Variants in ENOSF1 observed in about 807,000 individuals in gnomAD.
The protein encoded by ENOSF1 is enolase superfamily member 1.
A neutral mutation model predicts 68.2 loss-of-function variants in ENOSF1; 73 were observed. That is an observed-to-expected ratio of 1.07 (90% CI 0.89 to 1.30). The LOEUF (loss-of-function observed/expected upper bound fraction) is 1.30. Ranked by LOEUF, ENOSF1 falls within the 50% of genes most tolerant of loss-of-function variation. The pLI, the probability that ENOSF1 is intolerant of heterozygous loss-of-function variation, is 0.00. For synonymous variants in ENOSF1, 223 were observed against 210.4 expected (o/e 1.06, Z -0.52); for missense variants, 589 against 554.5 (o/e 1.06, Z -0.62).
chr18:691,070 CTT>C lies in ENOSF1; in HGVS notation c.531_532del (p.Lys180AlafsTer22), dbSNP rs1328351193. 2.5e-6 allele frequency: 4 copies of C among 1,613,810 alleles called. No individual in the cohort carries two copies. Among genetic ancestry groups the C allele is most frequent in the Non-Finnish European group, 3.4e-6 (4 of 1,179,946 alleles). ...AAGAAAATTTTCTTACAACCCACCT[CTT>C]TCTTTTTTACCAATTTGACCTTTCT... On this transcript the variant is annotated frameshift_variant, in exon 7 of 16. Transcript: ENST00000647584. LOFTEE classifies it high-confidence loss of function.
downstream of ENOSF1, chr18:669,046 G>C: frequency 6.3e-7 from 1 of 1,580,518 alleles, no homozygotes. Context: ...GTATGTACCT[G>C]TCCTCTCTTT....
chr18:692,932 G>GC, intron 5 of ENOSF1: 1 of 1,176,688 alleles, frequency 8.5e-7, no homozygotes, highest in Non-Finnish European at 1.1e-6. Context: ...GGTGTTCTTT[G>GC]TTTTTCCTTA....
intron 14 of ENOSF1, among the ~76,000 whole-genome samples, chr18:676,917 G>A (rs903878589): frequency 5.3e-5 from 8 of 152,228 alleles, no homozygotes; most frequent in Non-Finnish European, 8.8e-5. Context: ...AAAACCCTAC[G>A]TGTGCAGATG....
intron 5 of ENOSF1, 146 bp from the exon 6 acceptor site, chr18:691,422 T>C: frequency 6.2e-6 from 4 of 646,296 alleles, no homozygotes; most frequent in South Asian, 4.0e-5. Flanking sequence ...CATAGCTCAC[T>C]GCAGCCTCAG....
intron 5 of ENOSF1, chr18:691,929 C>A (rs1388797250): frequency 6.6e-6 from 1 of 152,606 alleles, no homozygotes; most frequent in Non-Finnish European, 1.5e-5. Context: ...TACATCAGCG[C>A]CACACCGCAG....
In ENOSF1 at chr18:685,990, A is replaced by T; in HGVS notation, c.672T>A (p.Gly224=). The T allele has an allele frequency of 1.9e-6, 3 of 1,614,026 alleles. No individual in the cohort carries two copies. The Middle Eastern group carries it at 4.9e-4, about 266-fold the overall frequency. The change falls in exon 10 of 16, where the codon GGT becomes GGA. Residue 224 remains glycine, a synonymous_variant. Transcript: ENST00000647584. The part of the protein sequence containing the change: ...DGWTRFKVKV[G]ADLQDDMRRC... ...TTCGCATGTCATCCTGGAGATCAGC[A>T]CCCACCTTTACTTTAAACCTAGAAA...
intron 2 of ENOSF1, among the ~76,000 whole-genome samples, chr18:700,057 G>A (rs2078162794): frequency 6.6e-6 from 1 of 152,216 alleles, no homozygotes; most frequent in African/African-American, 2.4e-5. Flanking sequence ...TCCAGCCTGG[G>A]CAACAAGAGC....
At chr18:684,284 T>C (rs967004606) in intron 10 of ENOSF1, among the ~76,000 whole-genome samples, 27 of 152,076 alleles carry the variant, frequency 1.8e-4, no homozygotes, top group Admixed American at 1.3e-4. Context: ...CATGAGCCAC[T>C]GCATCTGGCC....
rs777777414 is a variant in ENOSF1, at chr18:675,359, G to A, written c.1192C>T (p.Pro398Ser). 6.3e-5 allele frequency: 101 copies of A among 1,613,036 alleles called. No individual in the cohort carries two copies. Among genetic ancestry groups the A allele is most frequent in the Non-Finnish European group, 8.2e-5 (97 of 1,179,854 alleles). Residue 398 changes from proline to serine, a missense_variant, in exon 15 of 16, where the codon CCC (proline) becomes TCC (serine). By Grantham distance (74) the Pro-to-Ser change is moderately conservative. Coordinates refer to ENST00000647584, the MANE Select transcript of ENOSF1 (RefSeq NM_017512.7). ...VDHLHEHFKY[P>S]VMIQRASYMP... ...TAGGAAGCCCGCTGGATCATCACGGGATACTTGAAATGCTCATGCAGGTGG... is the reference window on the plus strand; with the variant it reads ...TAGGAAGCCCGCTGGATCATCACGGAATACTTGAAATGCTCATGCAGGTGG...
intron 11 of ENOSF1, among the ~76,000 whole-genome samples, chr18:679,029 A>T (rs1386312376): frequency 6.6e-6 from 1 of 151,954 alleles, no homozygotes; most frequent in Non-Finnish European, 1.5e-5. Context: ...GCTCCTCCCA[A>T]CGTGGACAGC....
rs1052168206 is a variant in ENOSF1, at chr18:693,305, G to C, written c.423+577C>G. On this transcript the variant is annotated intron_variant, in intron 5 of 15. Transcript: ENST00000647584. ...GCCTGATCTTATTCTTGGTGTCAAA[G>C]TGACTGGATAGTATCTTTTCTTTTT... 6.4e-6 allele frequency: 8 copies of C among 1,253,908 alleles called. No individual in the cohort carries two copies. In the African/African-American group the frequency reaches 1.2e-4, roughly 20 times the overall value. The allele number at this position is 1,253,908 out of a possible 1,614,324, so 77.7% of individuals were successfully genotyped here. A position where few individuals can be genotyped will look rare whatever the true frequency, so the allele number is the denominator to read the frequency against.
downstream of ENOSF1, chr18:669,000 G>A: frequency 1.6e-6 from 2 of 1,273,508 alleles, no homozygotes; most frequent in African/African-American, 1.5e-5. Flanking sequence ...TGTAATAGAT[G>A]ACCTCTAAGG....
At chr18:677,247 G>A in intron 14 of ENOSF1, 98 bp downstream of exon 14, 8 of 985,962 alleles carry the variant, frequency 8.1e-6, no homozygotes, top group Non-Finnish European at 1.3e-5. Flanking sequence ...AGCGGACAAG[G>A]TCTTAGTGTG....
At chr18:666,853 G>C (rs1293476299), downstream of ENOSF1, among the ~76,000 whole-genome samples, 2 of 152,080 alleles carry the variant, frequency 1.3e-5, no homozygotes, top group Non-Finnish European at 2.9e-5. Flanking sequence ...TGTTTAATGG[G>C]CACAGAGGTT....
intron 3 of ENOSF1, among the ~76,000 whole-genome samples, chr18:695,364 TGGGTA>T (rs1183634287): frequency 3.9e-5 from 6 of 152,210 alleles, no homozygotes; most frequent in Non-Finnish European, 7.3e-5. Context: ...TTTTACCACT[TGGGTA>T]ACTTAGTGTC....
intron 1 of ENOSF1, among the ~76,000 whole-genome samples, chr18:708,791 A>G (rs1325159099): frequency 6.6e-6 from 1 of 152,110 alleles, no homozygotes. Flanking sequence ...AAGGGGTCAG[A>G]AGAGGGAGAG....
chr18:703,042 G>A lies in ENOSF1; in HGVS notation c.193+3428C>T, dbSNP rs2078533839. On this transcript the variant is annotated intron_variant, in intron 2 of 15. Transcript: ENST00000647584. ...GCTGTGTAACACATTTAGTGAGACT[G>A]CAGTGAGTCACCTGAAATATGTAGC... Among the ~76,000 whole-genome samples the A allele has an allele frequency of 2.6e-5, 4 of 152,346 alleles. No individual in the cohort carries two copies. In the South Asian group the frequency reaches 8.3e-4, roughly 32 times the overall value.
Position 670,810 on chromosome 18 carries a change from C to A in ENOSF1, c.*3495G>T, listed in dbSNP as rs2075007551. On this transcript the variant is annotated 3_prime_UTR_variant, in exon 16 of 16. Transcript: ENST00000647584. ...GAGACATGGGCCTCGGTGTGCCTTT[C>A]AACATCGCCAGCTACGCCCTGCTCA... 7 of 1,614,014 alleles carry A rather than the reference C, an allele frequency of 4.3e-6. No homozygotes were observed. Among genetic ancestry groups the A allele is most frequent in the African/African-American group, 1.3e-5 (1 of 74,890 alleles).
intron 2 of ENOSF1, among the ~76,000 whole-genome samples, chr18:699,210 C>A (rs1448694113): frequency 1.3e-5 from 2 of 152,114 alleles, no homozygotes; most frequent in African/African-American, 4.8e-5. Context: ...TCCTGTAATG[C>A]CAGCACTTTG....
Sources: gnomAD v4.1 joint callset for allele counts (sites outside exome capture counted in the v4.1 genomes callset) on GRCh38, gnomAD v4.1.1 for gene constraint, MANE v1.5 for transcripts, NCBI Gene and HGNC (gene_info 2026-07-23, HGNC 2026-07-21) for gene names.